Variants in FLG observed in about 807,000 individuals in gnomAD.
FLG encodes epidermal filaggrin.
FLG carries 6 observed loss-of-function variants against 3.8 expected under a neutral mutation model. That is an observed-to-expected ratio of 1.60 (90% confidence interval 0.87 to 3.15). The LOEUF (loss-of-function observed/expected upper bound fraction) is 3.15, where lower values mean the gene tolerates loss of function less well. Among genes scored for constraint, FLG ranks in the 30% most tolerant of loss-of-function variants. The pLI, the probability that FLG is intolerant of heterozygous loss-of-function variation, is 0.00. For synonymous variants in FLG, 2,551 were observed against 1,931.6 expected, an observed-to-expected ratio of 1.32 and a Z score of -8.41; for missense variants, 7,595 against 5,050.9, an observed-to-expected ratio of 1.50 and a Z score of -15.27.
Position 152,304,798 on chromosome 1 carries a change from G to C in FLG, c.10088C>G (p.Pro3363Arg), listed in dbSNP as rs767792671. ...GGACTCTTGGTGGCTCTGCTGATGG[G>C]GCCCAGCCTGTCCATGGCCTGACAC... ...QSVSGHGQAGPHQQSHQESAR... is the reference protein window; with the variant it reads ...QSVSGHGQAGRHQQSHQESAR... The change falls in exon 3 of 3, where the codon CCC (proline) becomes CGC (arginine). Residue 3363 changes from proline (P) to arginine (R), a missense_variant. Pro to Arg is a moderately radical substitution (Grantham distance 103). Transcript: ENST00000368799. 2 of 1,613,816 alleles carry C rather than the reference G, an allele frequency of 1.2e-6. No homozygotes were observed. The highest frequency in any genetic ancestry group is 1.3e-5 in the African/African-American group (1 of 74,954).
At chr1:152,321,028 C>A (rs1652949331) in intron 1 of FLG, among the ~76,000 whole-genome samples, 1 of 150,722 alleles carries the variant, frequency 6.6e-6, no homozygotes, top group South Asian at 2.1e-4. Flanking sequence ...TACATTAATT[C>A]CATGCCTAAT....
At chr1:152,324,044 G>C (rs1653065029) in intron 1 of FLG, among the ~76,000 whole-genome samples, 1 of 151,812 alleles carries the variant, frequency 6.6e-6, no homozygotes, top group South Asian at 2.1e-4. Flanking sequence ...TGGACGTGGT[G>C]ATGAATCAGT....
chr1:152,308,145 A>G lies in FLG; in HGVS notation c.6741T>C (p.Ser2247=). The G allele has an allele frequency of 6.2e-7, 1 of 1,613,852 alleles. No homozygotes were observed. The highest frequency in any genetic ancestry group is 8.5e-7 in the Non-Finnish European group (1 of 1,179,964). The change falls in exon 3 of 3, where the codon AGT becomes AGC. Residue 2247 remains serine (S), a synonymous_variant. Transcript: ENST00000368799. ...AATCTTCTGAGTGTCCCTCACTGTC[A>G]CTGTCCTGGCTAACACTGGATCCCC... ...RPRGSSVSQD[S]DSEGHSEDSE...
Position 152,304,697 on chromosome 1 carries a change from C to T in FLG, c.10189G>A (p.Glu3397Lys), listed in dbSNP as rs1651827674. 1.9e-6 allele frequency: 3 copies of T among 1,613,310 alleles called. No homozygotes were observed. In the East Asian group the frequency reaches 6.7e-5, roughly 36 times the overall value. The change falls in exon 3 of 3, where the codon GAG becomes AAG. Residue 3397 changes from glutamate (E) to lysine (K), a missense_variant. Transcript: ENST00000368799. ...GTCCTGGTCCGCCCATGGGCAGACT[C>T]AGACTGTTCATGAGTGCTCACCTGG... ...LYQVSTHEQS[E>K]SAHGRTRTST...
rs1652095314 is a variant in FLG, at chr1:152,307,978, C to T, written c.6908G>A (p.Gly2303Asp). 1.9e-6 allele frequency: 3 copies of T among 1,614,042 alleles called. No individual in the cohort carries two copies. The highest frequency in any genetic ancestry group is 1.7e-5 in the Admixed American group (1 of 60,006). ...GHSAESSRQSGTHHAENSSGG... is the reference protein window; with the variant it reads ...GHSAESSRQSDTHHAENSSGG... Reference sequence around the variant, plus strand: ...AGAGGAATTCTCTGCATGATGAGTGCCTGATTGTCTGGAGCTCTCTGCAGA... The same window carrying T: ...AGAGGAATTCTCTGCATGATGAGTGTCTGATTGTCTGGAGCTCTCTGCAGA... Residue 2303 changes from glycine (G) to aspartate (D), a missense_variant, in exon 3 of 3, where the codon GGC (glycine) becomes GAC (aspartate). Physicochemically the swap from Gly to Asp is moderately conservative, Grantham distance 94. Transcript: ENST00000368799.
rs753265682 is a variant in FLG, at chr1:152,307,653, T to G, written c.7233A>C (p.Ser2411=). Reference sequence around the variant, plus strand: ...TGCTCACCTGGTAGAGGAAAGACCCTGAACGTCCAGACCTTCCTGCTGACC... The same window carrying G: ...TGCTCACCTGGTAGAGGAAAGACCCGGAACGTCCAGACCTTCCTGCTGACC... ...RGRSAGRSGR[S]GSFLYQVSTH... is the part of the protein sequence containing the mutation. Residue 2411 remains serine, a synonymous_variant, in exon 3 of 3, where the codon TCA becomes TCC. Transcript: ENST00000368799. 5 of 1,613,410 alleles carry G rather than the reference T, an allele frequency of 3.1e-6. No homozygotes were observed. The African/African-American group carries it at 4.0e-5, about 13-fold the overall frequency.
chr1:152,309,658 T>G lies in FLG; in HGVS notation c.5228A>C (p.His1743Pro). 1 of 1,613,692 alleles carries G rather than the reference T, an allele frequency of 6.2e-7. No homozygotes were observed. Among genetic ancestry groups the G allele is most frequent in the Non-Finnish European group, 8.5e-7 (1 of 1,179,880 alleles). The change falls in exon 3 of 3, where the codon CAT (histidine) becomes CCT (proline). Residue 1743 changes from histidine to proline, a missense_variant. By Grantham distance (77) the His-to-Pro change is moderately conservative. Transcript: ENST00000368799. The stretch of plus-strand genomic sequence containing the variant: ...TGTGGACTCTTGGTGGCTCTGCTGA[T>G]GGGGCCCAGCCTGTCCGTGGGCTGA... ...SVSAHGQAGP[H>P]QQSHQESTRG...
chr1:152,306,337 C>G lies in FLG; in HGVS notation c.8549G>C (p.Gly2850Ala). The G allele has an allele frequency of 6.2e-7, 1 of 1,602,040 alleles. No homozygotes were observed. The highest frequency in any genetic ancestry group is 8.5e-7 in the Non-Finnish European group (1 of 1,179,802). The change falls in exon 3 of 3, where the codon GGC (glycine) becomes GCC (alanine). Residue 2850 changes from glycine (G) to alanine (A), a missense_variant. Physicochemically the swap from Gly to Ala is moderately conservative, Grantham distance 60 (BLOSUM62 0). Transcript: ENST00000368799. ...GTGACGCGACCCTGAGTGCCTGGAGCCGTCTCCTGATTGTTCCTCATTACG... is the reference window on the plus strand; with the variant it reads ...GTGACGCGACCCTGAGTGCCTGGAGGCGTCTCCTGATTGTTCCTCATTACG... ...TTRNEEQSGD[G>A]SRHSGSRHHE... is the part of the protein sequence containing the mutation.
In FLG at chr1:152,308,755, G is replaced by A. The variant is rs1375288611; in HGVS notation, c.6131C>T (p.Ala2044Val). 3.1e-6 allele frequency: 5 copies of A among 1,613,950 alleles called. No individual in the cohort carries two copies. The African/African-American group carries it at 4.0e-5, about 13-fold the overall frequency. Residue 2044 changes from alanine (A) to valine (V), a missense_variant, in exon 3 of 3, where the codon GCC (alanine) becomes GTC (valine). Transcript: ENST00000368799. The stretch of plus-strand genomic sequence containing the variant: ...TTCTGAATGTCCCTCACTGTCACTG[G>A]CCTGACTACCACTGTACCCTCGGTG... ...SGHRGYSGSQ[A>V]SDSEGHSEDS...
intron 1 of FLG, among the ~76,000 whole-genome samples, chr1:152,319,308 A>ATG (rs138449164): frequency 0.045 from 6,520 of 145,204 alleles, 198 homozygotes; most frequent in African/African-American, 0.09. Flanking sequence ...CAACTAGAAA[A>ATG]TGTGTGTGTG....
rs778577623 is a variant in FLG at position 152,310,867 on chromosome 1, C to T, written c.4019G>A (p.Gly1340Glu). 1.9e-6 allele frequency: 3 copies of T among 1,613,912 alleles called. No individual in the cohort carries two copies. The highest frequency in any genetic ancestry group is 2.2e-5 in the East Asian group (1 of 44,852). ...GTHHTESSSH[G>E]QAVSSHEQAR... The stretch of plus-strand genomic sequence containing the variant: ...CTGTTCATGGGATGACACAGCCTGT[C>T]CATGAGAGGAAGACTCTGTGTGATG... The change falls in exon 3 of 3, where the codon GGA becomes GAA. Residue 1340 changes from glycine to glutamate, a missense_variant. Physicochemically the swap from Gly to Glu is moderately conservative, Grantham distance 98. Transcript: ENST00000368799.
Position 152,307,690 on chromosome 1 carries a change from G to C in FLG, c.7196C>G (p.Ser2399Cys), listed in dbSNP as rs1225265642. ...AGPHQQSHQE[S>C]TRGRSAGRSG... The stretch of plus-strand genomic sequence containing the variant: ...CCTTCCTGCTGACCGGCCACGTGTG[G>C]ACTCTTGGTGGCTCTGCTGATGGGG... Residue 2399 changes from serine (S) to cysteine (C), a missense_variant, in exon 3 of 3, where the codon TCC becomes TGC. Physicochemically the swap from Ser to Cys is moderately radical, Grantham distance 112 (BLOSUM62 -1). Coordinates refer to ENST00000368799, the MANE Select transcript of FLG (RefSeq NM_002016.2). 3.1e-6 allele frequency: 5 copies of C among 1,613,478 alleles called. No individual in the cohort carries two copies. The highest frequency in any genetic ancestry group is 1.7e-4 in the Middle Eastern group (1 of 6,056).
In FLG at chr1:152,307,569, T is replaced by C. The variant is rs780410867; in HGVS notation, c.7317A>G (p.Gln2439=). ...CTCGTGCCTGCTTGTGGTGGGATCC[T>C]TGTCTTCCTCCAGTGCTGGTCCCGG... is the stretch of plus-strand genomic sequence containing the variant. ...GRTGTSTGGR[Q]GSHHKQARDS... The change falls in exon 3 of 3, where the codon CAA becomes CAG. Residue 2439 remains glutamine (Q), a synonymous_variant. Transcript: ENST00000368799. The C allele has an allele frequency of 8.7e-6, 14 of 1,613,540 alleles. No homozygotes were observed. The African/African-American group carries it at 1.6e-4, about 19-fold the overall frequency.
Position 152,311,830 on chromosome 1 carries a change from G to C in FLG, c.3056C>G (p.Ala1019Gly). The change falls in exon 3 of 3, where the codon GCG (alanine) becomes GGG (glycine). Residue 1019 changes from alanine to glycine, a missense_variant. Transcript: ENST00000368799. ...TGATCTTGCCTGTTCATGGGATGAC[G>C]CAGCCTGTCCACCAGAGGAAGTCTC... is the stretch of plus-strand genomic sequence containing the variant. ...HAETSSGGQA[A>G]SSHEQARSSP... 4 of 1,614,048 alleles carry C rather than the reference G, an allele frequency of 2.5e-6. No homozygotes were observed. Among genetic ancestry groups the C allele is most frequent in the South Asian group, 1.1e-5 (1 of 91,070 alleles).
rs1382335035 is a variant in FLG, at chr1:152,313,366, G to T, written c.1520C>A (p.Ser507Ter). 1.2e-6 allele frequency: 2 copies of T among 1,613,510 alleles called. No homozygotes were observed. Among genetic ancestry groups the T allele is most frequent in the South Asian group, 2.2e-5 (2 of 91,048 alleles). ...GGTGTCCTGACCCTCTTGGGACGCT[G>T]AATGCCTGGAGCTGTCTCGTGCCTG... ...HEQARDSSRH[S>*]ASQEGQDTIR... is the part of the protein sequence containing the mutation. Residue 507 changes from serine (S) to a stop codon, truncating the protein, a stop_gained, in exon 3 of 3, where the codon TCA becomes TAA. Coordinates refer to ENST00000368799, the MANE Select transcript of FLG (RefSeq NM_002016.2). LOFTEE classifies it low-confidence loss of function (END_TRUNC).
chr1:152,303,591 C>G lies in FLG; in HGVS notation c.11295G>C (p.Arg3765Ser), dbSNP rs199804319. 444 of 1,613,678 alleles carry G rather than the reference C, an allele frequency of 2.8e-4. No homozygotes were observed. The highest frequency in any genetic ancestry group is 3.4e-4 in the Non-Finnish European group (404 of 1,179,882). The change falls in exon 3 of 3, where the codon AGG (arginine) becomes AGC (serine). Residue 3765 changes from arginine to serine, a missense_variant. Physicochemically the swap from Arg to Ser is moderately radical, Grantham distance 110. Coordinates refer to ENST00000368799, the MANE Select transcript of FLG (RefSeq NM_002016.2). ...QDTIRGHPGS[R>S]RGGRQGSYHE... The stretch of plus-strand genomic sequence containing the variant: ...GGTAGGATCCCTGTCTTCCTCCTCT[C>G]CTTGACCCCGGGTGTCCACGAATGG...
chr1:152,310,369 T>C lies in FLG; in HGVS notation c.4517A>G (p.Glu1506Gly). The C allele has an allele frequency of 1.9e-6, 3 of 1,613,822 alleles. No homozygotes were observed. The highest frequency in any genetic ancestry group is 2.5e-6 in the Non-Finnish European group (3 of 1,179,980). The change falls in exon 3 of 3, where the codon GAG (glutamate) becomes GGG (glycine). Residue 1506 changes from glutamate to glycine, a missense_variant. Glu to Gly is a moderately conservative substitution (Grantham distance 98, BLOSUM62 -2). Coordinates refer to ENST00000368799, the MANE Select transcript of FLG (RefSeq NM_002016.2). ...SRGGRQGSYH[E>G]QSVDRSGHSG... is the part of the protein sequence containing the mutation. ...GTGTCCAGACCTATCTACTGATTGC[T>C]CGTGGTAGGATCCCTGCCTTCCTCC...
At position 152,313,720 on chromosome 1, in the gene FLG, T is replaced by A. The variant is rs750986591; in HGVS notation, c.1166A>T (p.Gln389Leu). ...SPGERHGSGH[Q>L]QSADSSRHSA... Reference sequence around the variant, plus strand: ...GTGTCTGGAGCTGTCTGCTGACTGCTGGTGGCCGGATCCATGTCTTTCTCC... The same window carrying A: ...GTGTCTGGAGCTGTCTGCTGACTGCAGGTGGCCGGATCCATGTCTTTCTCC... The change falls in exon 3 of 3, where the codon CAG becomes CTG. Residue 389 changes from glutamine (Q) to leucine (L), a missense_variant. Gln to Leu is a moderately radical substitution (Grantham distance 113). Transcript: ENST00000368799. 4 of 1,614,092 alleles carry A rather than the reference T, an allele frequency of 2.5e-6. No individual in the cohort carries two copies. Among genetic ancestry groups the A allele is most frequent in the Non-Finnish European group, 3.4e-6 (4 of 1,179,982 alleles).
Position 152,309,290 on chromosome 1 carries a change from T to G in FLG, c.5596A>C (p.Arg1866=). The G allele has an allele frequency of 1.9e-6, 3 of 1,613,906 alleles. No individual in the cohort carries two copies. The highest frequency in any genetic ancestry group is 2.5e-6 in the Non-Finnish European group (3 of 1,180,000). ...RGQSGSRSVS[R]QTRNEKQSGD... is the part of the protein sequence containing the mutation. ...GATTGTTTCTCATTACGTGTTTGTC[T>G]GCTGACACTTCTGGATCCTGACTGC... Residue 1866 remains arginine, a synonymous_variant, in exon 3 of 3, where the codon AGA becomes CGA. Coordinates refer to ENST00000368799, the MANE Select transcript of FLG (RefSeq NM_002016.2).
Sources: allele counts gnomAD v4.1 joint callset (sites outside exome capture counted in the v4.1 genomes callset), GRCh38; gene constraint gnomAD v4.1.1; transcripts MANE v1.5; gene names NCBI Gene and HGNC (gene_info 2026-07-23, HGNC 2026-07-21).